Variants in VPS41 observed in about 807,000 individuals in gnomAD.
VPS41 encodes the protein vacuolar protein sorting-associated protein 41 homolog.
A neutral mutation model predicts 130.9 loss-of-function variants in VPS41; 85 were observed. The ratio of observed to expected loss-of-function variants is 0.65; its 90% CI spans 0.55 to 0.78. The LOEUF (loss-of-function observed/expected upper bound fraction) is 0.78. Among genes scored for constraint, VPS41 ranks in the 30% least tolerant of loss-of-function variants. VPS41 has a pLI of 0.00. For synonymous variants in VPS41, 335 were observed against 332.9 expected, an observed-to-expected ratio of 1.01 and a Z score of -0.07; for missense variants, 874 against 1,018.7, an observed-to-expected ratio of 0.86 and a Z score of 1.93.
At chr7:38,864,091 G>A (rs979868787) in intron 3 of VPS41, among the ~76,000 whole-genome samples, 1 of 152,008 alleles carries the variant, frequency 6.6e-6, no homozygotes. Context: ...TAAAAGAATG[G>A]GTCTTAAAAG....
At chr7:38,850,991 C>T (rs113452343) in intron 4 of VPS41, among the ~76,000 whole-genome samples, 2 of 152,152 alleles carry the variant, frequency 1.3e-5, no homozygotes, top group African/African-American at 4.8e-5. Context: ...GCAATAGAAC[C>T]CTAAAAATGT....
At position 38,731,052 on chromosome 7, in the gene VPS41, G is replaced by T. The variant is rs77531785; in HGVS notation, c.2260-2261C>A. ...AGGCAAACAGCCAGGAGAGGGGAAAGTACACAAATACAGCTTACTGCTATC... is the reference window on the plus strand; with the variant it reads ...AGGCAAACAGCCAGGAGAGGGGAAATTACACAAATACAGCTTACTGCTATC... On this transcript the variant is annotated intron_variant, in intron 25 of 28. Transcript: ENST00000310301. Among the ~76,000 whole-genome samples the T allele has an allele frequency of 9.2e-3, 1,407 of 152,314 alleles. 12 individuals carry two copies. The highest frequency in any genetic ancestry group is 0.015 in the Non-Finnish European group (1,029 of 68,028).
rs371327306 is a variant in VPS41 at position 38,866,019 on chromosome 7, A to T, written c.168+3127T>A. On this transcript the variant is annotated intron_variant, in intron 3 of 28. Coordinates refer to ENST00000310301, the MANE Select transcript of VPS41 (RefSeq NM_014396.4). ...AGTGAAAGCAAATCTGAAGGAAAAT[A>T]GACAAGTTCACAGTATGTGCATTAG... 2.7e-4 allele frequency among the ~76,000 whole-genome samples: 41 copies of T among 152,368 alleles called. 1 individual carries two copies. The highest frequency in any genetic ancestry group is 8.4e-4 in the African/African-American group (35 of 41,590).
At chr7:38,849,201 G>A (rs959670805) in intron 4 of VPS41, among the ~76,000 whole-genome samples, 16 of 152,284 alleles carry the variant, frequency 1.1e-4, no homozygotes, top group African/African-American at 3.4e-4. Flanking sequence ...GTGCCCTGCT[G>A]CTCAAACCCC....
At position 38,774,238 on chromosome 7, in the gene VPS41, C is replaced by G. The variant is rs954099007; in HGVS notation, c.889G>C (p.Glu297Gln). The change falls in exon 12 of 29, where the codon GAA (glutamate) becomes CAA (glutamine). Residue 297 changes from glutamate to glutamine, a missense_variant. Glu to Gln is a conservative substitution (Grantham distance 29). Coordinates refer to ENST00000310301, the MANE Select transcript of VPS41 (RefSeq NM_014396.4). ...VKEISEKTER[E>Q]YCARPRLDII... The stretch of plus-strand genomic sequence containing the variant: ...TCCAGTCTAGGCCTGGCACAGTATT[C>G]TCTTTCCTAGTGGGGGAAAAGAGAG... 6.3e-7 allele frequency: 1 copy of G among 1,579,420 alleles called. No individual in the cohort carries two copies. The highest frequency in any genetic ancestry group is 1.8e-5 in the Admixed American group (1 of 56,544).
At chr7:38,787,980 T>C (rs2286078) in intron 10 of VPS41, among the ~76,000 whole-genome samples, 32,601 of 152,136 alleles carry the variant, frequency 0.21, 4,491 homozygotes, top group Non-Finnish European at 0.31. Flanking sequence ...ACTGCAATAA[T>C]GTGATCCCAG....
intron 7 of VPS41, among the ~76,000 whole-genome samples, chr7:38,815,813 A>G (rs1022509738): frequency 3.3e-5 from 5 of 152,086 alleles, no homozygotes; most frequent in African/African-American, 1.2e-4. Context: ...TCAGACTCCA[A>G]GTTCTTCAGC....
At chr7:38,797,142 T>C (rs1217308966) in intron 7 of VPS41, 4 of 264,562 alleles carry the variant, frequency 1.5e-5, no homozygotes, top group Admixed American at 9.4e-5. Flanking sequence ...TGGAAAATAA[T>C]GCACATTAGT....
At chr7:38,872,936 C>T (rs1407037026) in intron 2 of VPS41, among the ~76,000 whole-genome samples, 1 of 150,532 alleles carries the variant, frequency 6.6e-6, no homozygotes, top group Admixed American at 6.6e-5. Context: ...TAATAAGATG[C>T]CACATGTTGC....
intron 2 of VPS41, among the ~76,000 whole-genome samples, chr7:38,890,993 A>G (rs1407618357): frequency 6.9e-6 from 1 of 144,572 alleles, no homozygotes; most frequent in Non-Finnish European, 1.5e-5. Flanking sequence ...GTTATTTCAA[A>G]ATGACTTTTT....
At chr7:38,736,394 G>A (rs1279685716) in intron 25 of VPS41, among the ~76,000 whole-genome samples, 1 of 152,250 alleles carries the variant, frequency 6.6e-6, no homozygotes, top group Non-Finnish European at 1.5e-5. Flanking sequence ...ACAAACACTG[G>A]CTTAATCTAA....
chr7:38,840,048 C>A (rs1191506512), intron 4 of VPS41, among the ~76,000 whole-genome samples: 1 of 152,196 alleles, frequency 6.6e-6, no homozygotes, highest in Non-Finnish European at 1.5e-5. Context: ...CTGCTGTCCA[C>A]CCTTCCATCG....
chr7:38,727,104 G>T, intron 27 of VPS41, 116 bp from the exon 28 acceptor site: 1 of 915,128 alleles, frequency 1.1e-6, no homozygotes, highest in Non-Finnish European at 1.5e-6. Flanking sequence ...GGTGCCTTTA[G>T]AGAATGGCTT....
chr7:38,726,747 T>C (rs1476832456), intron 28 of VPS41, among the ~76,000 whole-genome samples, 162 bp downstream of exon 28: 2 of 152,278 alleles, frequency 1.3e-5, no homozygotes, highest in Non-Finnish European at 2.9e-5. Context: ...TAAATATTTT[T>C]ACATTTGAAA....
chr7:38,812,210 A>G (rs532688363), intron 7 of VPS41, among the ~76,000 whole-genome samples: 3 of 152,260 alleles, frequency 2.0e-5, no homozygotes, highest in South Asian at 2.1e-4. Flanking sequence ...AGATAGCTAT[A>G]TAGATTGGTA....
intron 5 of VPS41, among the ~76,000 whole-genome samples, chr7:38,826,980 G>A (rs977672186): frequency 3.3e-5 from 5 of 151,780 alleles, no homozygotes; most frequent in South Asian, 2.1e-4. Context: ...CGCCACACCC[G>A]GCTAATTTTT....
intron 22 of VPS41, among the ~76,000 whole-genome samples, chr7:38,748,987 C>T (rs186065603): frequency 2.2e-4 from 33 of 152,230 alleles, no homozygotes; most frequent in Non-Finnish European, 4.1e-4. Flanking sequence ...GCACAACATA[C>T]ATTATAAAGC....
chr7:38,888,999 T>G (rs1786796641), intron 2 of VPS41, among the ~76,000 whole-genome samples: 1 of 151,884 alleles, frequency 6.6e-6, no homozygotes, highest in South Asian at 2.1e-4. Flanking sequence ...GAGAAATACC[T>G]AATGTAGGTG....
chr7:38,744,082 G>A (rs747672153), intron 23 of VPS41, among the ~76,000 whole-genome samples: 34 of 152,174 alleles, frequency 2.2e-4, no homozygotes, highest in Non-Finnish European at 4.6e-4. Flanking sequence ...AACTATCAGA[G>A]GGCTTCCTCA....
Sources: gnomAD v4.1 joint callset for allele counts (sites outside exome capture counted in the v4.1 genomes callset) on GRCh38, gnomAD v4.1.1 for gene constraint, MANE v1.5 for transcripts, NCBI Gene and HGNC (gene_info 2026-07-23, HGNC 2026-07-21) for gene names.